CFI: variants seen among roughly 807,000 people sequenced by gnomAD.
The protein encoded by CFI is complement factor I, also known as C3B/C4B inactivator.
CFI carries 66 observed loss-of-function variants against 78.8 expected under a neutral mutation model. That is an observed-to-expected ratio of 0.84 (90% confidence interval 0.69 to 1.03). The LOEUF is 1.03. Ranked by LOEUF, CFI falls within the 50% of genes least tolerant of loss-of-function variation. The probability of loss-of-function intolerance (pLI) is 0.00; values close to 1 mark genes in which losing one functional copy is unlikely to be tolerated. For missense variants in CFI, 706 were observed against 704.5 expected (o/e 1.00, Z -0.02); for synonymous variants, 250 against 232.6 (o/e 1.07, Z -0.68).
intron 1 of CFI, among the ~76,000 whole-genome samples, chr4:109,771,694 A>G (rs906560539): frequency 7.0e-6 from 1 of 143,426 alleles, no homozygotes; most frequent in Non-Finnish European, 1.5e-5. Flanking sequence ...AGCCTGGGCA[A>G]CACAGCAAGA....
chr4:109,739,569 G>A (rs930507106), downstream of CFI, among the ~76,000 whole-genome samples: 1 of 152,136 alleles, frequency 6.6e-6, no homozygotes, highest in African/African-American at 2.4e-5. Flanking sequence ...GGTTAAGAAA[G>A]TGCAACTGTT....
At chr4:109,761,289 G>A (rs1417344034) in intron 4 of CFI, among the ~76,000 whole-genome samples, 1 of 152,182 alleles carries the variant, frequency 6.6e-6, no homozygotes, top group Non-Finnish European at 1.5e-5. Context: ...GGGGAGTCAG[G>A]CAACTTTGCT....
Position 109,752,965 on chromosome 4 carries a change from T to TATGAATAA in CFI, c.905-463_905-462insTTATTCAT, listed in dbSNP as rs1561292033. 3.6e-5 allele frequency among the ~76,000 whole-genome samples: 4 copies of TATGAATAA among 111,264 alleles called. 1 individual carries two copies. The highest frequency in any genetic ancestry group is 2.2e-4 in the East Asian group (1 of 4,504). 73.0% of individuals were successfully genotyped at this position (111,264 alleles called of 152,430 possible). A position where few individuals can be genotyped will look rare whatever the true frequency, so the allele number is the denominator to read the frequency against. On this transcript the variant is annotated intron_variant, in intron 7 of 12. Transcript: ENST00000394634. ...AAATATTTATAATACATATTTATTA[T>TATGAATAA]ATATTTATTATATGAATAAATATTT...
chr4:109,775,988 C>A (rs1475851565), intron 1 of CFI, among the ~76,000 whole-genome samples: 6 of 152,126 alleles, frequency 3.9e-5, no homozygotes. Flanking sequence ...CTGTACGTCA[C>A]CATCATCAAA....
rs1725277286 is a variant in CFI, at chr4:109,752,579, C to T, written c.905-76G>A. 2.4e-6 allele frequency: 3 copies of T among 1,256,218 alleles called. No homozygotes were observed. The South Asian group carries it at 3.7e-5, about 15-fold the overall frequency. 77.8% of individuals were successfully genotyped at this position (1,256,218 alleles called of 1,614,324 possible). The stretch of plus-strand genomic sequence containing the variant: ...AATGAAATCATTAAAATCATTTAAA[C>T]ACTGATTATAATTTTCTGCCTTAAA... On this transcript the variant is annotated intron_variant, in intron 7 of 12. Transcript: ENST00000394634.
chr4:109,732,983 AT>A, the CFI span, among the ~76,000 whole-genome samples: 49,432 of 149,092 alleles, frequency 0.33, 9,388 homozygotes, highest in Non-Finnish European at 0.44. Flanking sequence ...TATCATATAA[AT>A]TTTTTTTTTT....
intron 1 of CFI, among the ~76,000 whole-genome samples, chr4:109,775,610 C>T (rs1346304049): frequency 6.6e-6 from 1 of 152,176 alleles, no homozygotes; most frequent in East Asian, 1.9e-4. Context: ...GAAACTTCTG[C>T]AGACTTAAAT....
chr4:109,740,754 C>A lies in CFI; in HGVS notation c.*139G>T. 3 of 819,972 alleles carry A rather than the reference C, an allele frequency of 3.7e-6. No homozygotes were observed. The highest frequency in any genetic ancestry group is 6.1e-6 in the Non-Finnish European group (3 of 492,192). 50.8% of individuals were successfully genotyped at this position (819,972 alleles called of 1,614,324 possible). ...CAACAAAATTCCAATATGGCATAAA[C>A]TCTGTGGAGACCTTTAAAAATATCC... On this transcript the variant is annotated 3_prime_UTR_variant, in exon 13 of 13. Coordinates refer to ENST00000394634, the MANE Select transcript of CFI (RefSeq NM_000204.5).
chr4:109,775,667 G>C (rs1007522194), intron 1 of CFI, among the ~76,000 whole-genome samples: 1 of 152,184 alleles, frequency 6.6e-6, no homozygotes, highest in Admixed American at 6.5e-5. Context: ...TCCCAGCATG[G>C]AGTTTGAGAT....
chr4:109,745,633 T>G (rs139694861), intron 11 of CFI, among the ~76,000 whole-genome samples: 1 of 152,188 alleles, frequency 6.6e-6, no homozygotes, highest in African/African-American at 2.4e-5. Flanking sequence ...ATGAATTCCT[T>G]ATGTTCTTTT....
intron 1 of CFI, among the ~76,000 whole-genome samples, chr4:109,782,395 A>G (rs1479721732): frequency 6.6e-6 from 1 of 150,642 alleles, no homozygotes; most frequent in Non-Finnish European, 1.5e-5. Flanking sequence ...CAAGCACAGA[A>G]TCAAATCAAG....
rs77090434 is a variant in CFI at position 109,756,374 on chromosome 4, C to T, written c.904+1389G>A. Among the ~76,000 whole-genome samples, 1,357 of 123,388 alleles carry T rather than the reference C, an allele frequency of 0.011. 61 individuals carry two copies. In the East Asian group the frequency reaches 0.14, roughly 13 times the overall value. The allele number at this position is 123,388 out of a possible 152,430, so 80.9% of individuals were successfully genotyped here. A position where few individuals can be genotyped will look rare whatever the true frequency, so the allele number is the denominator to read the frequency against. On this transcript the variant is annotated intron_variant, in intron 7 of 12. Transcript: ENST00000394634. The stretch of plus-strand genomic sequence containing the variant: ...AGAAGCAGCAGGAGGAGGAGGAGGA[C>T]GAGGGAAGAGATGGAAGAAGAAGGA...
At chr4:109,797,329 G>T (rs1261230061) in intron 1 of CFI, among the ~76,000 whole-genome samples, 1 of 152,184 alleles carries the variant, frequency 6.6e-6, no homozygotes, top group African/African-American at 2.4e-5. Flanking sequence ...AATGGGTGAA[G>T]AATAGTCTTT....
At position 109,746,264 on chromosome 4, in the gene CFI, G is replaced by C. The variant is rs768115278; in HGVS notation, c.1387C>G (p.Pro463Ala). The stretch of plus-strand genomic sequence containing the variant: ...CCAGAAACGATGCATGTATCATTAG[G>C]TTGGAATAGGTAAGGAGACCAGGGG... ...CVPWSPYLFQ[P>A]NDTCIVSGWG... Residue 463 changes from proline (P) to alanine (A), a missense_variant, in exon 11 of 13, where the codon CCT becomes GCT. Transcript: ENST00000394634. 1 of 1,614,170 alleles carries C rather than the reference G, an allele frequency of 6.2e-7. No homozygotes were observed. Among genetic ancestry groups the C allele is most frequent in the South Asian group, 1.1e-5 (1 of 91,082 alleles).
chr4:109,735,706 C>T (rs1005547079), downstream of CFI, among the ~76,000 whole-genome samples: 1 of 152,154 alleles, frequency 6.6e-6, no homozygotes, highest in Non-Finnish European at 1.5e-5. Flanking sequence ...GTGCCAATGT[C>T]GCGGGAATCA....
intron 1 of CFI, among the ~76,000 whole-genome samples, chr4:109,772,530 C>G (rs1162677977): frequency 6.6e-6 from 1 of 151,362 alleles, no homozygotes; most frequent in Non-Finnish European, 1.5e-5. Flanking sequence ...AAAATAACAA[C>G]TACTATTATG....
chr4:109,779,067 T>C (rs1230966155), intron 1 of CFI, among the ~76,000 whole-genome samples: 2 of 152,140 alleles, frequency 1.3e-5, no homozygotes, highest in African/African-American at 4.8e-5. Flanking sequence ...CTTTGAAAAC[T>C]GGCACAAGAC....
At chr4:109,750,054 T>C (rs186287237) in intron 8 of CFI, among the ~76,000 whole-genome samples, 1 of 152,180 alleles carries the variant, frequency 6.6e-6, no homozygotes, top group African/African-American at 2.4e-5. Context: ...TGGAGTGCAA[T>C]GGCACGATCT....
intron 1 of CFI, among the ~76,000 whole-genome samples, chr4:109,801,000 T>C (rs551710479): frequency 1.3e-5 from 2 of 152,304 alleles, no homozygotes; most frequent in South Asian, 2.1e-4. Flanking sequence ...AATCTTAAAG[T>C]GTGTTTTCTT....
Sources: allele counts gnomAD v4.1 joint callset (sites outside exome capture counted in the v4.1 genomes callset), GRCh38; gene constraint gnomAD v4.1.1; transcripts MANE v1.5; gene names NCBI Gene and HGNC (gene_info 2026-07-23, HGNC 2026-07-21).